The following CA10 variants were observed in gnomAD, a reference collection of about 807,000 sequenced individuals.
The protein encoded by CA10 is carbonic anhydrase 10 (inactive), also known as carbonic anhydrase-related protein 10.
CA10 carries 14 observed loss-of-function variants against 44.2 expected under a neutral mutation model. The observed-to-expected ratio is 0.32, with a 90% CI of 0.21 to 0.50. CA10 has a LOEUF of 0.50. Among genes scored for constraint, CA10 ranks in the 20% least tolerant of loss-of-function variants. The pLI is 0.99. For missense variants in CA10, 350 were observed against 409.7 expected, an observed-to-expected ratio of 0.85 and a Z score of 1.26; for synonymous variants, 159 against 141.6, an observed-to-expected ratio of 1.12 and a Z score of -0.87.
chr17:51,882,579 C>T (rs1012185974), intron 3 of CA10, among the ~76,000 whole-genome samples: 1 of 152,186 alleles, frequency 6.6e-6, no homozygotes, highest in Admixed American at 6.5e-5. Flanking sequence ...ATGATGGTAA[C>T]ACTTGACTGT....
chr17:51,636,520 A>G (rs1345727791), intron 6 of CA10, among the ~76,000 whole-genome samples: 2 of 152,092 alleles, frequency 1.3e-5, no homozygotes, highest in Non-Finnish European at 2.9e-5. Flanking sequence ...TGGGGCCCTG[A>G]GCATTGGTGA....
chr17:51,690,720 A>G (rs371515934), intron 4 of CA10, among the ~76,000 whole-genome samples: 13 of 152,210 alleles, frequency 8.5e-5, no homozygotes, highest in African/African-American at 2.4e-4. Flanking sequence ...CTTCCCAGCC[A>G]TATGGAACTG....
intron 4 of CA10, among the ~76,000 whole-genome samples, chr17:51,716,155 A>T (rs545989840): frequency 3.9e-5 from 6 of 152,148 alleles, no homozygotes; most frequent in Non-Finnish European, 7.3e-5. Context: ...ACGCTGTGAA[A>T]ATGGCTACTA....
chr17:51,659,502 C>G (rs1264131484), intron 4 of CA10, among the ~76,000 whole-genome samples: 1 of 152,052 alleles, frequency 6.6e-6, no homozygotes, highest in Non-Finnish European at 1.5e-5. Context: ...TCTGGAGAAC[C>G]CTGACTAATC....
chr17:51,986,877 G>A (rs934761538), intron 2 of CA10, among the ~76,000 whole-genome samples: 4 of 152,018 alleles, frequency 2.6e-5, no homozygotes, highest in African/African-American at 9.7e-5. Context: ...GCATGGATGT[G>A]CTGAACAGGG....
rs565640698 is a variant in CA10, at chr17:52,117,225, A to G, written c.61+40501T>C. On this transcript the variant is annotated intron_variant, in intron 1 of 8. Transcript: ENST00000451037. ...TGCATGCATTAGAGCCCCTAAGATA[A>G]TTTCTGATGGCCTGGGACTCCTTGG... Among the ~76,000 whole-genome samples the G allele has an allele frequency of 1.5e-4, 23 of 152,232 alleles. No homozygotes were observed. In the South Asian group the frequency reaches 4.8e-3, roughly 32 times the overall value.
intron 3 of CA10, among the ~76,000 whole-genome samples, chr17:51,864,993 A>G (rs1192459626): frequency 2.0e-5 from 3 of 152,052 alleles, no homozygotes; most frequent in African/African-American, 4.8e-5. Context: ...CAGTACTAAG[A>G]AGGGGCAGCA....
At chr17:52,138,881 T>C (rs1989417077) in intron 1 of CA10, among the ~76,000 whole-genome samples, 1 of 152,206 alleles carries the variant, frequency 6.6e-6, no homozygotes, top group Non-Finnish European at 1.5e-5. Flanking sequence ...TCATTATTTA[T>C]AACTAAGGAA....
In CA10 at chr17:52,003,911, G is replaced by A. The variant is rs528004944; in HGVS notation, c.136+68408C>T. Among the ~76,000 whole-genome samples the A allele has an allele frequency of 3.3e-4, 49 of 147,672 alleles. 1 individual carries two copies. Among genetic ancestry groups the A allele is most frequent in the African/African-American group, 9.9e-4 (39 of 39,292 alleles). ...TTAAAACATTTCCTAAAAATATTCA[G>A]AATAGATACTTATAGTAAAAACTAA... On this transcript the variant is annotated intron_variant, in intron 2 of 8. Transcript: ENST00000451037.
chr17:51,982,364 T>C (rs939189250), intron 2 of CA10, among the ~76,000 whole-genome samples: 11 of 151,932 alleles, frequency 7.2e-5, no homozygotes, highest in African/African-American at 1.4e-4. Flanking sequence ...TTGACTTAAA[T>C]TGTGCAATCA....
intron 2 of CA10, among the ~76,000 whole-genome samples, chr17:51,965,076 T>C (rs1448386572): frequency 6.6e-6 from 1 of 151,664 alleles, no homozygotes; most frequent in Non-Finnish European, 1.5e-5. Flanking sequence ...TTATAACCAA[T>C]ACCATGGAAA....
intron 3 of CA10, among the ~76,000 whole-genome samples, chr17:51,807,942 A>T (rs1367396230): frequency 6.6e-6 from 1 of 152,228 alleles, no homozygotes; most frequent in Admixed American, 6.5e-5. Flanking sequence ...ATCAACATGG[A>T]TAAAAATCTG....
intron 4 of CA10, among the ~76,000 whole-genome samples, chr17:51,706,091 A>G (rs1915755048): frequency 6.6e-6 from 1 of 152,200 alleles, no homozygotes; most frequent in South Asian, 2.1e-4. Flanking sequence ...AGTGCTGGGC[A>G]AATCACTTTG....
At chr17:51,832,253 C>T (rs1322837876) in intron 3 of CA10, among the ~76,000 whole-genome samples, 1 of 152,162 alleles carries the variant, frequency 6.6e-6, no homozygotes, top group Non-Finnish European at 1.5e-5. Flanking sequence ...AATTCCTGAA[C>T]ATGATAAGCA....
chr17:52,030,875 T>G (rs1036046291), intron 2 of CA10, among the ~76,000 whole-genome samples: 8 of 152,060 alleles, frequency 5.3e-5, no homozygotes, highest in African/African-American at 1.9e-4. Flanking sequence ...TCTTTGGTCA[T>G]GGAATGGGGA....
intron 2 of CA10, among the ~76,000 whole-genome samples, chr17:52,048,343 C>T (rs1408087257): frequency 3.9e-5 from 6 of 151,960 alleles, no homozygotes; most frequent in Non-Finnish European, 5.9e-5. Context: ...CAGCTGAGAG[C>T]GATTTCTTGC....
At chr17:52,110,038 A>G (rs1341024723) in intron 1 of CA10, among the ~76,000 whole-genome samples, 1 of 152,184 alleles carries the variant, frequency 6.6e-6, no homozygotes, top group East Asian at 1.9e-4. Flanking sequence ...CCGCATGACT[A>G]TTCTGCAAAC....
chr17:51,726,325 T>C (rs1916520707), intron 4 of CA10, among the ~76,000 whole-genome samples: 1 of 152,182 alleles, frequency 6.6e-6, no homozygotes, highest in South Asian at 2.1e-4. Context: ...ATTCAAAATT[T>C]CAGTTTAGAT....
At chr17:51,682,079 C>A (rs1003754690) in intron 4 of CA10, among the ~76,000 whole-genome samples, 3 of 152,198 alleles carry the variant, frequency 2.0e-5, no homozygotes, top group Admixed American at 1.3e-4. Context: ...GCACTGCATT[C>A]GATCCTGGGG....
Sources: allele counts gnomAD v4.1 joint callset (sites outside exome capture counted in the v4.1 genomes callset), GRCh38; gene constraint gnomAD v4.1.1; transcripts MANE v1.5; gene names NCBI Gene and HGNC (gene_info 2026-07-23, HGNC 2026-07-21).